TRMT1L: variants seen among roughly 807,000 people sequenced by gnomAD.
TRMT1L encodes tRNA methyltransferase 1L, also known as tRNA (guanine(27)-N(2))-dimethyltransferase.
A neutral mutation model predicts 81.6 loss-of-function variants in TRMT1L; 28 were observed. The observed-to-expected ratio is 0.34, with a 90% CI of 0.25 to 0.47. The LOEUF (loss-of-function observed/expected upper bound fraction) is 0.47. Ranked by LOEUF, TRMT1L falls within the 20% of genes least tolerant of loss-of-function variation. TRMT1L has a pLI of 1.00. For synonymous variants in TRMT1L, 301 were observed against 303.2 expected (o/e 0.99, Z 0.07); for missense variants, 739 against 877.1 (o/e 0.84, Z 1.99).
intron 7 of TRMT1L, among the ~76,000 whole-genome samples, chr1:185,141,933 G>A (rs1350823182): frequency 6.6e-6 from 1 of 152,162 alleles, no homozygotes; most frequent in Non-Finnish European, 1.5e-5. Flanking sequence ...ATGACTGGAA[G>A]CAAGGGTACT....
In TRMT1L at chr1:185,128,654, T is replaced by C. The variant is rs778772439; in HGVS notation, c.1592+15A>G. ...TACATCAAATTTTAATATGTTCTTA[T>C]GGCTGGTCACATACCACAGAGGTCC... On this transcript the variant is annotated intron_variant, in intron 11 of 14. Transcript: ENST00000367506. 6 of 1,610,382 alleles carry C rather than the reference T, an allele frequency of 3.7e-6. No individual in the cohort carries two copies. In the African/African-American group the frequency reaches 8.0e-5, roughly 22 times the overall value.
chr1:185,145,508 T>C lies in TRMT1L; in HGVS notation c.586A>G (p.Arg196Gly). ...CIICSATITRRTDMLGHVRRH... is the reference protein window; with the variant it reads ...CIICSATITRGTDMLGHVRRH... ...CTAACATGTCCTAGCATATCAGTTCTTCTGGTGATTGTTGCTGAACAAATG... is the reference window on the plus strand; with the variant it reads ...CTAACATGTCCTAGCATATCAGTTCCTCTGGTGATTGTTGCTGAACAAATG... Residue 196 changes from arginine (R) to glycine (G), a missense_variant, in exon 5 of 15, where the codon AGA becomes GGA. Arg to Gly is a moderately radical substitution (Grantham distance 125, BLOSUM62 -2). Around this residue, in one of 4 missense-constraint regions of TRMT1L, gnomAD observed 331 missense variants for 462.2 expected, o/e 0.72. Transcript: ENST00000367506. 6.2e-7 allele frequency: 1 copy of C among 1,612,254 alleles called. No homozygotes were observed. Among genetic ancestry groups the C allele is most frequent in the Non-Finnish European group, 8.5e-7 (1 of 1,178,734 alleles).
chr1:185,122,343 A>G (rs908033700), intron 13 of TRMT1L, among the ~76,000 whole-genome samples: 8 of 152,218 alleles, frequency 5.3e-5, no homozygotes, highest in Non-Finnish European at 1.0e-4. Context: ...GAATAACCAT[A>G]TAATTTAAAA....
chr1:185,138,304 T>C (rs1485367655), intron 9 of TRMT1L, among the ~76,000 whole-genome samples: 1 of 152,194 alleles, frequency 6.6e-6, no homozygotes, highest in Non-Finnish European at 1.5e-5. Context: ...TACTCTGCAG[T>C]CATATACTAC....
At chr1:185,157,523 G>T (rs1203605543), upstream of TRMT1L, 1 of 148,430 alleles carries the variant, frequency 6.7e-6, no homozygotes, top group Non-Finnish European at 1.5e-5. Flanking sequence ...GCTGCCCCTT[G>T]CCCGGTGTTG....
chr1:185,156,766 G>T lies in TRMT1L; in HGVS notation c.-54C>A, dbSNP rs912606200. 53 of 1,604,412 alleles carry T rather than the reference G, an allele frequency of 3.3e-5. No individual in the cohort carries two copies. The highest frequency in any genetic ancestry group is 4.2e-5 in the Non-Finnish European group (49 of 1,176,184). The stretch of plus-strand genomic sequence containing the variant: ...GGGGACCCGGAGCGGGGCTCACGGC[G>T]GGGTCAGAGAACTGACGTGAATGCC... On this transcript the variant is annotated 5_prime_UTR_variant, in exon 1 of 15. Transcript: ENST00000367506.
intron 7 of TRMT1L, among the ~76,000 whole-genome samples, chr1:185,142,729 T>C (rs187709930): frequency 1.3e-5 from 2 of 152,146 alleles, no homozygotes; most frequent in East Asian, 3.9e-4. Flanking sequence ...AAGAACATGT[T>C]TTATGAGCCA....
intron 10 of TRMT1L, among the ~76,000 whole-genome samples, chr1:185,133,381 C>T (rs1360572649): frequency 6.6e-6 from 1 of 152,010 alleles, no homozygotes; most frequent in Non-Finnish European, 1.5e-5. Flanking sequence ...TTTATCTGTA[C>T]TGTAGCAGCC....
chr1:185,120,552 CA>C (rs1652474680), intron 13 of TRMT1L, 43 bp from the exon 14 acceptor site: 1 of 1,466,322 alleles, frequency 6.8e-7, no homozygotes, highest in African/African-American at 1.4e-5. Context: ...TTAAAAATTA[CA>C]AGCCAAATAC....
At chr1:185,123,809 CT>C in intron 13 of TRMT1L, 47 bp downstream of exon 13, 5 of 1,209,050 alleles carry the variant, frequency 4.1e-6, no homozygotes, top group South Asian at 1.6e-5. Flanking sequence ...TGCTATATGC[CT>C]TTTTGACCTG....
At chr1:185,122,335 A>G (rs1652519872) in intron 13 of TRMT1L, among the ~76,000 whole-genome samples, 1 of 152,204 alleles carries the variant, frequency 6.6e-6, no homozygotes, top group Non-Finnish European at 1.5e-5. Context: ...TGGTCTTAGA[A>G]TAACCATATA....
intron 7 of TRMT1L, among the ~76,000 whole-genome samples, chr1:185,141,051 C>A (rs1369281310): frequency 6.6e-6 from 1 of 151,678 alleles, no homozygotes; most frequent in Non-Finnish European, 1.5e-5. Context: ...GGCCCCTTTT[C>A]ACAGTTTTTC....
At chr1:185,153,312 T>C (rs1044950889) in intron 1 of TRMT1L, among the ~76,000 whole-genome samples, 1 of 152,166 alleles carries the variant, frequency 6.6e-6, no homozygotes, top group Non-Finnish European at 1.5e-5. Context: ...CTACTGATTA[T>C]TATAGATAGA....
chr1:185,133,501 A>G (rs945402955), intron 10 of TRMT1L, among the ~76,000 whole-genome samples: 1 of 152,074 alleles, frequency 6.6e-6, no homozygotes, highest in African/African-American at 2.4e-5. Context: ...CAACTAAAAT[A>G]TGGCAAAAGT....
intron 10 of TRMT1L, 154 bp downstream of exon 10, chr1:185,137,450 CTT>C (rs1652927907): frequency 6.4e-6 from 5 of 775,936 alleles, no homozygotes; most frequent in Non-Finnish European, 1.1e-5. Context: ...ACACGAATGT[CTT>C]GTCTGTTGAC....
At chr1:185,122,186 T>G (rs748828692) in intron 13 of TRMT1L, among the ~76,000 whole-genome samples, 1 of 152,202 alleles carries the variant, frequency 6.6e-6, no homozygotes, top group Non-Finnish European at 1.5e-5. Context: ...AGTCCATTGA[T>G]GATGGGCACC....
chr1:185,135,185 G>GC (rs1162570271), intron 10 of TRMT1L, among the ~76,000 whole-genome samples: 1 of 152,148 alleles, frequency 6.6e-6, no homozygotes, highest in Non-Finnish European at 1.5e-5. Flanking sequence ...GGAGGCCAAG[G>GC]CGGGCGGATT....
chr1:185,120,526 CAA>C lies in TRMT1L; in HGVS notation c.1823-19_1823-18del. On this transcript the variant is annotated intron_variant, in intron 13 of 14. Transcript: ENST00000367506. ...TTCTCTTTCCTGCAACATACACATA[CAA>C]AGTTAGCATGCTCTTAAAAATTACA... The C allele has an allele frequency of 6.5e-7, 1 of 1,543,516 alleles. No homozygotes were observed. The highest frequency in any genetic ancestry group is 8.7e-7 in the Non-Finnish European group (1 of 1,152,010).
chr1:185,141,488 G>A (rs1047617899), intron 7 of TRMT1L, among the ~76,000 whole-genome samples: 2 of 152,160 alleles, frequency 1.3e-5, no homozygotes, highest in African/African-American at 2.4e-5. Flanking sequence ...TGGATCACCT[G>A]AGGTCAGGAG....
Sources: gnomAD v4.1 joint callset for allele counts (sites outside exome capture counted in the v4.1 genomes callset) on GRCh38, gnomAD v4.1.1 for gene constraint, gnomAD v4.1.1 regional missense constraint, MANE v1.5 for transcripts, NCBI Gene and HGNC (gene_info 2026-07-23, HGNC 2026-07-21) for gene names.